HECW1: variants seen among roughly 807,000 people sequenced by gnomAD.
HECW1 encodes E3 ubiquitin-protein ligase HECW1.
Under a neutral mutation model 182.3 loss-of-function variants are expected in HECW1, and 61 were observed. That is an observed-to-expected ratio of 0.33 (90% CI 0.27 to 0.41). The LOEUF is 0.41. HECW1 is among the 10% of genes least tolerant of loss of function. The pLI is 1.00. For synonymous variants in HECW1, 859 were observed against 832.6 expected, an observed-to-expected ratio of 1.03 and a Z score of -0.55; for missense variants, 1,739 against 2,108.9, an observed-to-expected ratio of 0.82 and a Z score of 3.44.
intron 5 of HECW1, among the ~76,000 whole-genome samples, chr7:43,337,605 A>G (rs1812464027): frequency 6.6e-6 from 1 of 152,176 alleles, no homozygotes; most frequent in Non-Finnish European, 1.5e-5. Flanking sequence ...ATGTGCATGT[A>G]CTTCATTTCT....
chr7:43,312,237 GT>G (rs1361834128), intron 4 of HECW1, 150 bp downstream of exon 4: 2 of 723,866 alleles, frequency 2.8e-6, no homozygotes, highest in Non-Finnish European at 4.5e-6. Context: ...GCATGACCTT[GT>G]TTTTCTGCAA....
At chr7:43,409,059 G>A (rs893392086) in intron 8 of HECW1, among the ~76,000 whole-genome samples, 16 of 152,112 alleles carry the variant, frequency 1.1e-4, no homozygotes, top group African/African-American at 3.9e-4. Flanking sequence ...AAGCATCCTT[G>A]ACAAGAAAAC....
At chr7:43,342,764 G>A (rs1369878755) in intron 5 of HECW1, among the ~76,000 whole-genome samples, 2 of 151,742 alleles carry the variant, frequency 1.3e-5, no homozygotes, top group Non-Finnish European at 2.9e-5. Flanking sequence ...GGTGGCTCAC[G>A]CCTGTAATCC....
intron 3 of HECW1, among the ~76,000 whole-genome samples, chr7:43,262,248 G>A (rs901204201): frequency 4.0e-5 from 2 of 50,400 alleles, no homozygotes; most frequent in Admixed American, 1.6e-4. Flanking sequence ...GTATGTGTGC[G>A]TGTGTGTGTG....
At chr7:43,403,177 C>G (rs2075484905) in intron 7 of HECW1, among the ~76,000 whole-genome samples, 1 of 152,144 alleles carries the variant, frequency 6.6e-6, no homozygotes, top group Admixed American at 6.6e-5. Context: ...AAGAGAAAAA[C>G]AAACAGAAGT....
intron 2 of HECW1, among the ~76,000 whole-genome samples, chr7:43,233,345 G>T (rs1798043747): frequency 6.6e-6 from 1 of 152,186 alleles, no homozygotes; most frequent in Non-Finnish European, 1.5e-5. Flanking sequence ...ACCACAGACA[G>T]TCGCATATAT....
intron 3 of HECW1, among the ~76,000 whole-genome samples, chr7:43,261,521 G>T (rs1801179425): frequency 6.6e-6 from 1 of 152,202 alleles, no homozygotes; most frequent in Admixed American, 6.5e-5. Flanking sequence ...AAATGCAGCT[G>T]GTGCAGAGTG....
rs187456979 is a variant in HECW1 at position 43,523,213 on chromosome 7, G to T, written c.4019+14092G>T. 50 of 220,084 alleles carry T rather than the reference G, an allele frequency of 2.3e-4. 1 individual carries two copies. In the East Asian group the frequency reaches 6.2e-3, roughly 27 times the overall value. The allele number at this position is 220,084 out of a possible 1,614,324, so 13.6% of individuals were successfully genotyped here. On this transcript the variant is annotated intron_variant, in intron 24 of 29. Transcript: ENST00000395891. The stretch of plus-strand genomic sequence containing the variant: ...CATAAGGGGTTTCTCCATGTTGGCC[G>T]GGGGGGGTCTCGAACTCCTGACCTC...
At chr7:43,123,501 C>T (rs1785856364) in intron 2 of HECW1, among the ~76,000 whole-genome samples, 1 of 152,186 alleles carries the variant, frequency 6.6e-6, no homozygotes, top group African/African-American at 2.4e-5. Flanking sequence ...AGAGAGTCTT[C>T]TGGAGCAGGG....
chr7:43,285,849 A>G (rs559743955), intron 3 of HECW1, among the ~76,000 whole-genome samples: 10 of 152,346 alleles, frequency 6.6e-5, no homozygotes, highest in Admixed American at 6.5e-4. Flanking sequence ...TAAATAAATG[A>G]CAGTGAGCTA....
chr7:43,360,763 G>A (rs1263239466), intron 5 of HECW1, 123 bp from the exon 6 acceptor site: 2 of 727,786 alleles, frequency 2.7e-6, no homozygotes, highest in East Asian at 2.7e-5. Context: ...TCATTGTCGA[G>A]TGTGGCCTGG....
At chr7:43,421,491 G>C (rs1380739440) in intron 8 of HECW1, among the ~76,000 whole-genome samples, 1 of 152,108 alleles carries the variant, frequency 6.6e-6, no homozygotes, top group Non-Finnish European at 1.5e-5. Context: ...TTTACATTAA[G>C]AGCAAGCCAC....
At chr7:43,466,636 C>G in intron 15 of HECW1, 68 bp downstream of exon 15, 1 of 1,527,230 alleles carries the variant, frequency 6.5e-7, no homozygotes, top group Non-Finnish European at 8.9e-7. Flanking sequence ...TTTGTAAAGT[C>G]ATCTGATAGA....
intron 24 of HECW1, among the ~76,000 whole-genome samples, chr7:43,512,611 T>G (rs1322455039): frequency 6.6e-6 from 1 of 152,250 alleles, no homozygotes; most frequent in East Asian, 1.9e-4. Flanking sequence ...GTCAGTTGCT[T>G]GTAGGCTAGT....
chr7:43,284,705 T>G (rs866472517), intron 3 of HECW1, among the ~76,000 whole-genome samples: 79 of 152,242 alleles, frequency 5.2e-4, no homozygotes, highest in African/African-American at 1.9e-3. Context: ...TCTCCCCAAT[T>G]TCCCTTCCCT....
intron 2 of HECW1, among the ~76,000 whole-genome samples, chr7:43,225,000 G>A (rs1797296873): frequency 6.6e-6 from 1 of 152,162 alleles, no homozygotes; most frequent in Admixed American, 6.5e-5. Context: ...GCAACTCGGG[G>A]CCTATTGAGT....
chr7:43,540,996 T>C (rs2304322), intron 24 of HECW1, among the ~76,000 whole-genome samples, 167 bp from the exon 25 acceptor site: 23,417 of 152,232 alleles, frequency 0.15, 2,114 homozygotes, highest in East Asian at 0.34. Context: ...GGATTGTTCA[T>C]GGTAAAGCAA....
chr7:43,363,605 C>T (rs374668786), intron 6 of HECW1, among the ~76,000 whole-genome samples: 1 of 152,182 alleles, frequency 6.6e-6, no homozygotes, highest in East Asian at 1.9e-4. Flanking sequence ...AAATCCTGGG[C>T]TCCTATTGTC....
At chr7:43,531,253 C>A (rs915860613) in intron 24 of HECW1, among the ~76,000 whole-genome samples, 1 of 152,204 alleles carries the variant, frequency 6.6e-6, no homozygotes, top group Admixed American at 6.5e-5. Context: ...TTCAGGAGGC[C>A]TGCCTGGATT....
Sources: gnomAD v4.1 joint callset for allele counts (sites outside exome capture counted in the v4.1 genomes callset) on GRCh38, gnomAD v4.1.1 for gene constraint, MANE v1.5 for transcripts, NCBI Gene and HGNC (gene_info 2026-07-23, HGNC 2026-07-21) for gene names.